The following ADAMTSL1 variants were observed in gnomAD, a reference collection of about 807,000 sequenced individuals.
ADAMTSL1 encodes ADAMTS-like protein 1.
In ADAMTSL1, 126 loss-of-function variants were observed where a neutral mutation model predicts 201.8. The observed-to-expected ratio is 0.62, with a 90% CI of 0.54 to 0.72. The LOEUF (loss-of-function observed/expected upper bound fraction) is 0.72. Among genes scored for constraint, ADAMTSL1 ranks in the 30% least tolerant of loss-of-function variants. The probability of loss-of-function intolerance (pLI) is 0.00; values close to 1 mark genes in which losing one functional copy is unlikely to be tolerated. For synonymous variants in ADAMTSL1, 1,121 were observed against 903.4 expected, an observed-to-expected ratio of 1.24 and a Z score of -4.32; for missense variants, 2,679 against 2,277.8, an observed-to-expected ratio of 1.18 and a Z score of -3.59.
At chr9:18,723,317 A>C (rs1817661343) in intron 15 of ADAMTSL1, 1 of 555,536 alleles carries the variant, frequency 1.8e-6, no homozygotes, top group Non-Finnish European at 3.2e-6. Context: ...TTTGAAAAAC[A>C]TGCAAAAGGG....
chr9:17,976,794 C>A (rs1489109683), intron 1 of ADAMTSL1, among the ~76,000 whole-genome samples: 6 of 142,858 alleles, frequency 4.2e-5, no homozygotes, highest in Admixed American at 2.9e-4. Context: ...TATAAATTTA[C>A]TTATTTCTTT....
intron 2 of ADAMTSL1, among the ~76,000 whole-genome samples, chr9:18,172,626 T>C (rs1003400521): frequency 6.6e-6 from 1 of 152,036 alleles, no homozygotes; most frequent in African/African-American, 2.4e-5. Context: ...AATTTCACTT[T>C]AAAAATCTAC....
intron 2 of ADAMTSL1, among the ~76,000 whole-genome samples, chr9:18,239,502 G>T (rs1830977010): frequency 6.6e-6 from 1 of 152,150 alleles, no homozygotes; most frequent in Admixed American, 6.6e-5. Flanking sequence ...ATTTTGGGAG[G>T]CCGAGGCAAG....
chr9:18,046,345 T>C (rs962568866), intron 1 of ADAMTSL1, among the ~76,000 whole-genome samples: 1 of 152,208 alleles, frequency 6.6e-6, no homozygotes. Context: ...GGCTTTCATC[T>C]AGCTGTTCAA....
At chr9:18,415,063 G>A (rs530225873) in intron 2 of ADAMTSL1, among the ~76,000 whole-genome samples, 1 of 152,268 alleles carries the variant, frequency 6.6e-6, no homozygotes, top group South Asian at 2.1e-4. Context: ...GAATCAGACT[G>A]ATTCCAAGTA....
intron 1 of ADAMTSL1, among the ~76,000 whole-genome samples, chr9:17,931,385 G>A (rs558568435): frequency 6.6e-6 from 1 of 152,240 alleles, no homozygotes; most frequent in East Asian, 1.9e-4. Context: ...GTATTGAGGA[G>A]CTTTCGAGAT....
intron 2 of ADAMTSL1, among the ~76,000 whole-genome samples, chr9:18,461,296 CTTTAA>C (rs1296523531): frequency 6.6e-6 from 1 of 151,972 alleles, no homozygotes; most frequent in African/African-American, 2.4e-5. Context: ...ATCTTTTTCT[CTTTAA>C]TTTTGTGAGG....
intron 8 of ADAMTSL1, among the ~76,000 whole-genome samples, chr9:18,659,143 A>C (rs1828900583): frequency 2.0e-5 from 3 of 152,244 alleles, no homozygotes; most frequent in African/African-American, 7.2e-5. Flanking sequence ...GCTGACTTTA[A>C]ATAGCTAATC....
chr9:18,540,235 G>T (rs957085825), intron 3 of ADAMTSL1, among the ~76,000 whole-genome samples: 3 of 152,156 alleles, frequency 2.0e-5, no homozygotes, highest in African/African-American at 4.8e-5. Context: ...TAATGCCCCT[G>T]TTCTTATGAA....
At chr9:18,358,470 G>C (rs969737097) in intron 2 of ADAMTSL1, among the ~76,000 whole-genome samples, 2 of 152,040 alleles carry the variant, frequency 1.3e-5, no homozygotes, top group Non-Finnish European at 2.9e-5. Flanking sequence ...ACTAATTCCA[G>C]AATGTTTCCA....
intron 2 of ADAMTSL1, among the ~76,000 whole-genome samples, chr9:18,194,493 T>C (rs1181442742): frequency 6.6e-6 from 1 of 152,098 alleles, no homozygotes; most frequent in African/African-American, 2.4e-5. Flanking sequence ...GTAACAATGT[T>C]AACCCGTCTT....
chr9:17,934,214 G>C (rs1826911599), intron 1 of ADAMTSL1, among the ~76,000 whole-genome samples: 1 of 152,126 alleles, frequency 6.6e-6, no homozygotes, highest in Non-Finnish European at 1.5e-5. Context: ...TCAAAGTCTT[G>C]TTGTCAACAA....
chr9:18,065,552 C>A (rs1483980043), intron 1 of ADAMTSL1, among the ~76,000 whole-genome samples: 2 of 152,046 alleles, frequency 1.3e-5, no homozygotes, highest in Non-Finnish European at 2.9e-5. Context: ...TGCCACAGGT[C>A]GTAGATGAAA....
intron 3 of ADAMTSL1, among the ~76,000 whole-genome samples, chr9:18,556,719 T>A (rs943265197): frequency 6.6e-6 from 1 of 152,058 alleles, no homozygotes; most frequent in South Asian, 2.1e-4. Context: ...AAGTTGAATG[T>A]TGTCATCCAT....
At chr9:18,650,954 G>A (rs1045711124) in intron 7 of ADAMTSL1, among the ~76,000 whole-genome samples, 1 of 152,166 alleles carries the variant, frequency 6.6e-6, no homozygotes, top group Non-Finnish European at 1.5e-5. Flanking sequence ...ATGAGATAAT[G>A]TATATAAAAG....
At chr9:18,225,489 A>G (rs1830406313) in intron 2 of ADAMTSL1, among the ~76,000 whole-genome samples, 1 of 152,164 alleles carries the variant, frequency 6.6e-6, no homozygotes, top group South Asian at 2.1e-4. Context: ...GTACATATTT[A>G]TTTTTTAGAT....
At chr9:18,751,263 CTCT>C (rs1465253475) in intron 15 of ADAMTSL1, among the ~76,000 whole-genome samples, 4 of 152,320 alleles carry the variant, frequency 2.6e-5, no homozygotes, top group African/African-American at 9.6e-5. Context: ...AAGCCAGCTT[CTCT>C]TCTTCTATTC....
chr9:17,956,600 T>C (rs2131386743), intron 1 of ADAMTSL1, among the ~76,000 whole-genome samples: 1 of 152,262 alleles, frequency 6.6e-6, no homozygotes, highest in South Asian at 2.1e-4. Flanking sequence ...GTAGCATGAC[T>C]CAGTTTTCCT....
chr9:18,473,382 T>A (rs2131757435), upstream of ADAMTSL1, among the ~76,000 whole-genome samples: 1 of 152,302 alleles, frequency 6.6e-6, no homozygotes, highest in East Asian at 1.9e-4. Context: ...GGGTTTCTTT[T>A]TAAACTGGGG....
Sources: allele counts gnomAD v4.1 joint callset (sites outside exome capture counted in the v4.1 genomes callset), GRCh38; gene constraint gnomAD v4.1.1; transcripts MANE v1.5; gene names NCBI Gene and HGNC (gene_info 2026-07-23, HGNC 2026-07-21).